CST7: variants seen among roughly 807,000 people sequenced by gnomAD.
CST7 encodes the protein cystatin F.
CST7 carries 15 observed loss-of-function variants against 13.1 expected under a neutral mutation model. The ratio of observed to expected loss-of-function variants is 1.14; its 90% CI spans 0.77 to 1.76. The LOEUF (loss-of-function observed/expected upper bound fraction) is 1.76. Ranked by LOEUF, CST7 falls within the 40% of genes most tolerant of loss-of-function variation. The probability of loss-of-function intolerance (pLI) is 0.00; values close to 1 mark genes in which losing one functional copy is unlikely to be tolerated. For synonymous variants in CST7, 75 were observed against 66.9 expected, an observed-to-expected ratio of 1.12 and a Z score of -0.59; for missense variants, 193 against 178.8, an observed-to-expected ratio of 1.08 and a Z score of -0.45.
chr20:24,950,892 T>C (rs1600958634), intron 1 of CST7, among the ~76,000 whole-genome samples: 1 of 152,112 alleles, frequency 6.6e-6, no homozygotes, highest in South Asian at 2.1e-4. Context: ...AAGTGGCTCG[T>C]TCTCACACCT....
intron 3 of CST7, 61 bp from the exon 4 acceptor site, chr20:24,959,574 C>A: frequency 6.5e-7 from 1 of 1,531,250 alleles, no homozygotes; most frequent in Non-Finnish European, 9.0e-7. Context: ...CACCCCTCCA[C>A]GGGCAGAGGG....
chr20:24,949,564 G>T lies in CST7; in HGVS notation c.59G>T (p.Gly20Val), dbSNP rs765158816. The part of the protein sequence containing the change: ...FCCLVLSTTG[G>V]PSPDTCSQDL... ...TGCCTGGTCTTGAGCACCACTGGGG[G>T]CCCTTCCCCAGGTAAGTGGCGTTCT... Residue 20 changes from glycine to valine, a missense_variant, in exon 1 of 4, where the codon GGC (glycine) becomes GTC (valine). Physicochemically the swap from Gly to Val is moderately radical, Grantham distance 109 (BLOSUM62 -3). Coordinates refer to ENST00000480798, the MANE Select transcript of CST7 (RefSeq NM_003650.4). The T allele has an allele frequency of 6.2e-7, 1 of 1,614,076 alleles. No homozygotes were observed. The highest frequency in any genetic ancestry group is 1.3e-5 in the African/African-American group (1 of 75,064).
chr20:24,954,497 G>A (rs2087841242), intron 1 of CST7, among the ~76,000 whole-genome samples: 2 of 152,178 alleles, frequency 1.3e-5, no homozygotes, highest in South Asian at 4.1e-4. Flanking sequence ...TCTTTGGGGT[G>A]TTAATTCTTA....
chr20:24,949,625 T>C (rs1405090097), intron 1 of CST7, 50 bp downstream of exon 1: 2 of 1,607,292 alleles, frequency 1.2e-6, no homozygotes, highest in Non-Finnish European at 1.7e-6. Flanking sequence ...TCCCTGAGAT[T>C]GGCCACTGGT....
chr20:24,959,432 G>A (rs1207513284), intron 3 of CST7, among the ~76,000 whole-genome samples: 2 of 152,074 alleles, frequency 1.3e-5, no homozygotes, highest in African/African-American at 4.8e-5. Flanking sequence ...CAAGAGAACG[G>A]GAACACAGCA....
intron 1 of CST7, among the ~76,000 whole-genome samples, chr20:24,953,687 C>A (rs549598777): frequency 2.0e-5 from 3 of 152,296 alleles, no homozygotes; most frequent in Admixed American, 6.5e-5. Context: ...CCCCTCCCAC[C>A]CCGCATTAGA....
At chr20:24,953,614 C>A (rs1335374136) in intron 1 of CST7, among the ~76,000 whole-genome samples, 1 of 152,132 alleles carries the variant, frequency 6.6e-6, no homozygotes, top group Non-Finnish European at 1.5e-5. Flanking sequence ...CCCTGCCCGC[C>A]CCTGCCTCAC....
At chr20:24,952,559 G>A (rs2122445060) in intron 1 of CST7, among the ~76,000 whole-genome samples, 1 of 152,304 alleles carries the variant, frequency 6.6e-6, no homozygotes, top group Middle Eastern at 3.4e-3. Context: ...CTCCAGGTGG[G>A]CAGAGTGAAC....
chr20:24,954,848 ATTT>A (rs1191386229), intron 1 of CST7, among the ~76,000 whole-genome samples: 1 of 152,154 alleles, frequency 6.6e-6, no homozygotes, highest in African/African-American at 2.4e-5. Flanking sequence ...AATACATTTT[ATTT>A]TTTAAAAAAG....
In CST7 at chr20:24,954,664, A is replaced by G. The variant is rs1357852449; in HGVS notation, c.71-2623A>G. ...TTGACTTGAAGCCTACATTTTAGGA[A>G]ACATGTAGTTAAATAAAAAATACCA... On this transcript the variant is annotated intron_variant, in intron 1 of 3. Coordinates refer to ENST00000480798, the MANE Select transcript of CST7 (RefSeq NM_003650.4). Among the ~76,000 whole-genome samples the G allele has an allele frequency of 2.6e-5, 4 of 151,876 alleles. No homozygotes were observed. The East Asian group carries it at 7.7e-4, about 29-fold the overall frequency.
chr20:24,957,647 C>G (rs896644962), intron 2 of CST7, among the ~76,000 whole-genome samples, 188 bp downstream of exon 2: 1 of 152,092 alleles, frequency 6.6e-6, no homozygotes, highest in Admixed American at 6.5e-5. Flanking sequence ...CCCCCAGGGC[C>G]AAGCGCAAAG....
Position 24,949,530 on chromosome 20 carries a change from G to A in CST7, c.25G>A (p.Ala9Thr). 1 of 1,614,132 alleles carries A rather than the reference G, an allele frequency of 6.2e-7. No homozygotes were observed. The highest frequency in any genetic ancestry group is 8.5e-7 in the Non-Finnish European group (1 of 1,180,034). Residue 9 changes from alanine to threonine, a missense_variant, in exon 1 of 4, where the codon GCC (alanine) becomes ACC (threonine). Ala to Thr is a moderately conservative substitution (Grantham distance 58, BLOSUM62 0). Coordinates refer to ENST00000480798, the MANE Select transcript of CST7 (RefSeq NM_003650.4). MRAAGTLL[A>T]FCCLVLSTTG... ...CATGCGAGCGGCTGGAACTCTGCTG[G>A]CCTTCTGCTGCCTGGTCTTGAGCAC...
rs1465589230 is a variant in CST7, at chr20:24,957,307, A to G, written c.91A>G (p.Asn31Asp). 6.2e-7 allele frequency: 1 copy of G among 1,613,380 alleles called. No homozygotes were observed. Among genetic ancestry groups the G allele is most frequent in the Admixed American group, 1.7e-5 (1 of 59,954 alleles). ...PSPDTCSQDL[N>D]SRVKPGFPKT... The stretch of plus-strand genomic sequence containing the variant: ...TTCAGATACTTGTTCCCAGGACCTT[A>G]ACTCACGTGTGAAGCCAGGATTTCC... The change falls in exon 2 of 4, where the codon AAC becomes GAC. Residue 31 changes from asparagine to aspartate, a missense_variant. Asn to Asp is a conservative substitution (Grantham distance 23). Coordinates refer to ENST00000480798, the MANE Select transcript of CST7 (RefSeq NM_003650.4).
At chr20:24,957,532 G>A (rs1362248297) in intron 2 of CST7, 73 bp downstream of exon 2, 12 of 1,441,164 alleles carry the variant, frequency 8.3e-6, no homozygotes, top group Non-Finnish European at 1.1e-5. Flanking sequence ...CGACACCTAG[G>A]AGAGCAGGGC....
chr20:24,952,788 C>T (rs2087828188), intron 1 of CST7, among the ~76,000 whole-genome samples: 1 of 152,216 alleles, frequency 6.6e-6, no homozygotes, highest in Admixed American at 6.5e-5. Context: ...CACCCAGGTC[C>T]CCATCTCAGG....
At chr20:24,957,002 G>GA in intron 1 of CST7, among the ~76,000 whole-genome samples, 2 of 33,060 alleles carry the variant, frequency 6.0e-5, no homozygotes, top group Non-Finnish European at 1.3e-4. Flanking sequence ...GACAGGTGAG[G>GA]GGGCAGGTGA....
At chr20:24,950,058 AG>A (rs2122439436) in intron 1 of CST7, among the ~76,000 whole-genome samples, 1 of 152,262 alleles carries the variant, frequency 6.6e-6, no homozygotes, top group South Asian at 2.1e-4. Context: ...GTCAGCACTC[AG>A]GGGGAGGGGG....
Position 24,959,807 on chromosome 20 carries a change from C to A in CST7, c.*95C>A. On this transcript the variant is annotated 3_prime_UTR_variant, in exon 4 of 4. Coordinates refer to ENST00000480798, the MANE Select transcript of CST7 (RefSeq NM_003650.4). ...CGCCTCATGACCCAGCCTCACAGAC[C>A]CTCTCAGGCCTCTGACGAGTGAGCG... The A allele has an allele frequency of 8.1e-7, 1 of 1,227,464 alleles. No homozygotes were observed. The highest frequency in any genetic ancestry group is 1.2e-6 in the Non-Finnish European group (1 of 833,202). The allele number at this position is 1,227,464 out of a possible 1,614,324, so 76.0% of individuals were successfully genotyped here. A position where few individuals can be genotyped will look rare whatever the true frequency, so the allele number is the denominator to read the frequency against.
intron 1 of CST7, among the ~76,000 whole-genome samples, chr20:24,949,811 C>A (rs1168985377): frequency 6.6e-6 from 1 of 152,206 alleles, no homozygotes; most frequent in Non-Finnish European, 1.5e-5. Context: ...AGGCTAGGGG[C>A]AAGGGAAGCA....
Sources: gnomAD v4.1 joint callset for allele counts (sites outside exome capture counted in the v4.1 genomes callset) on GRCh38, gnomAD v4.1.1 for gene constraint, MANE v1.5 for transcripts, NCBI Gene and HGNC (gene_info 2026-07-23, HGNC 2026-07-21) for gene names.